R3HCC1L: variants seen among roughly 807,000 people sequenced by gnomAD.
R3HCC1L encodes the protein coiled-coil domain-containing protein R3HCC1L.
In R3HCC1L, 51 loss-of-function variants were observed where a neutral mutation model predicts 59.9. The observed-to-expected ratio is 0.85, with a 90% CI of 0.68 to 1.07. The LOEUF (loss-of-function observed/expected upper bound fraction) is 1.07, where lower values mean the gene tolerates loss of function less well. Among genes scored for constraint, R3HCC1L ranks in the 50% least tolerant of loss-of-function variants. The pLI is 0.00. For synonymous variants in R3HCC1L, 322 were observed against 315.2 expected, an observed-to-expected ratio of 1.02 and a Z score of -0.23; for missense variants, 965 against 933.0, an observed-to-expected ratio of 1.03 and a Z score of -0.45.
intron 4 of R3HCC1L, among the ~76,000 whole-genome samples, chr10:98,179,925 T>C (rs1006988797): frequency 1.3e-5 from 2 of 152,226 alleles, no homozygotes; most frequent in African/African-American, 4.8e-5. Flanking sequence ...ATTTATCATT[T>C]TTTATTGCAT....
intron 1 of R3HCC1L, among the ~76,000 whole-genome samples, chr10:98,153,063 T>C (rs937071761): frequency 2.0e-5 from 3 of 152,060 alleles, no homozygotes; most frequent in African/African-American, 7.2e-5. Flanking sequence ...CCGCCCCTTC[T>C]GGGAAGTGAG....
intron 1 of R3HCC1L, among the ~76,000 whole-genome samples, chr10:98,151,863 T>C (rs1846190021): frequency 6.6e-6 from 1 of 152,200 alleles, no homozygotes; most frequent in Admixed American, 6.5e-5. Flanking sequence ...GAGACTTAAA[T>C]GTGATAGAAG....
At chr10:98,156,897 A>G (rs1401160617) in intron 2 of R3HCC1L, among the ~76,000 whole-genome samples, 4 of 152,224 alleles carry the variant, frequency 2.6e-5, no homozygotes, top group East Asian at 3.8e-4. Context: ...TAAATTTGTA[A>G]GAACTTTAAA....
intron 5 of R3HCC1L, among the ~76,000 whole-genome samples, chr10:98,224,299 T>C (rs1230209605): frequency 6.6e-6 from 1 of 152,142 alleles, no homozygotes; most frequent in African/African-American, 2.4e-5. Flanking sequence ...GGCATGTGAC[T>C]TCAGAATTTC....
At chr10:98,184,595 T>A (rs1232531502) in intron 4 of R3HCC1L, among the ~76,000 whole-genome samples, 1 of 152,246 alleles carries the variant, frequency 6.6e-6, no homozygotes, top group Non-Finnish European at 1.5e-5. Context: ...TTAGACCATA[T>A]TCCTGTCATT....
chr10:98,236,029 C>T lies in R3HCC1L; in HGVS notation c.2134C>T (p.Leu712Phe), dbSNP rs771154678. The T allele has an allele frequency of 2.5e-6, 4 of 1,613,290 alleles. No homozygotes were observed. The highest frequency in any genetic ancestry group is 3.4e-6 in the Non-Finnish European group (4 of 1,179,486). Residue 712 changes from leucine to phenylalanine, a missense_variant, in exon 9 of 10, where the codon CTC becomes TTC. Leu to Phe is a conservative substitution (Grantham distance 22, BLOSUM62 0). Transcript: ENST00000298999. ...CCTTCCTTTCTTCGATTCAGAGTTC[C>T]TCCAGCCAGCAAAGGAGCGTCCTGA... ...KAKARAYAEF[L>F]QPAKERPETS...
chr10:98,152,314 T>C (rs1846264943), intron 1 of R3HCC1L, among the ~76,000 whole-genome samples: 3 of 151,882 alleles, frequency 2.0e-5, no homozygotes, highest in Non-Finnish European at 2.9e-5. Context: ...GACCTCCACC[T>C]CCCAGCCGCC....
At chr10:98,212,492 AGAGTAT>A (rs1417067283) in intron 5 of R3HCC1L, among the ~76,000 whole-genome samples, 1 of 152,180 alleles carries the variant, frequency 6.6e-6, no homozygotes, top group Non-Finnish European at 1.5e-5. Flanking sequence ...TTAGGGGGTT[AGAGTAT>A]AAGTAGGTCA....
At chr10:98,152,893 G>A (rs1463449970) in intron 1 of R3HCC1L, among the ~76,000 whole-genome samples, 1 of 151,762 alleles carries the variant, frequency 6.6e-6, no homozygotes, top group African/African-American at 2.4e-5. Context: ...CGTCCGGGAG[G>A]GAGGAGGGGG....
At position 98,231,543 on chromosome 10, in the gene R3HCC1L, T is replaced by A; in HGVS notation, c.1817T>A (p.Ile606Asn). The A allele has an allele frequency of 8.7e-6, 14 of 1,613,182 alleles. No homozygotes were observed. Among genetic ancestry groups the A allele is most frequent in the Non-Finnish European group, 1.2e-5 (14 of 1,179,670 alleles). Residue 606 changes from isoleucine (I) to asparagine (N), a missense_variant, in exon 6 of 10, where the codon ATC becomes AAC. Physicochemically the swap from Ile to Asn is moderately radical, Grantham distance 149 (BLOSUM62 -3). Coordinates refer to ENST00000298999, the MANE Select transcript of R3HCC1L (RefSeq NM_001351015.2). The part of the protein sequence containing the change: ...LSGNTKSRES[I>N]QEPRSDYYNH... ...GGGAATACCAAGAGCAGAGAGAGCA[T>A]CCAGGAACCTAGATCTGATTACTAC...
At chr10:98,171,224 C>T (rs1357829927) in intron 4 of R3HCC1L, among the ~76,000 whole-genome samples, 2 of 152,208 alleles carry the variant, frequency 1.3e-5, no homozygotes. Flanking sequence ...TAACCACAGA[C>T]ATTACAATTT....
intron 4 of R3HCC1L, chr10:98,186,483 T>C: frequency 1.0e-6 from 1 of 980,704 alleles, no homozygotes; most frequent in South Asian, 4.7e-5. Context: ...TTACTCAGCA[T>C]TTGGTGTGGT....
At chr10:98,219,189 G>A (rs1282231774) in intron 5 of R3HCC1L, among the ~76,000 whole-genome samples, 1 of 152,214 alleles carries the variant, frequency 6.6e-6, no homozygotes, top group African/African-American at 2.4e-5. Flanking sequence ...TGGGATTACA[G>A]GTGTGAGCCA....
chr10:98,212,170 G>C (rs903255683), intron 5 of R3HCC1L, among the ~76,000 whole-genome samples: 1 of 152,094 alleles, frequency 6.6e-6, no homozygotes, highest in African/African-American at 2.4e-5. Context: ...ATGTAATAAT[G>C]ATACTGTTAT....
rs537313916 is a variant in R3HCC1L at position 98,192,830 on chromosome 10, A to G, written c.-14-15271A>G. On this transcript the variant is annotated intron_variant, in intron 4 of 9. Transcript: ENST00000298999. Reference sequence around the variant, plus strand: ...CCCTGATACCAAAGCCAGAGATACTATAAGAAAACTACAGGCCAGTATCTC... The same window carrying G: ...CCCTGATACCAAAGCCAGAGATACTGTAAGAAAACTACAGGCCAGTATCTC... Among the ~76,000 whole-genome samples the G allele has an allele frequency of 3.3e-5, 5 of 152,252 alleles. No homozygotes were observed. The East Asian group carries it at 9.6e-4, about 29-fold the overall frequency.
rs992083444 is a variant in R3HCC1L, at chr10:98,211,960, G to T, written c.1785+2061G>T. ...GGACATTGGGATGACCTAAAGCTGG[G>T]ATTGGGAGGAAAACAGAGAATATAG... On this transcript the variant is annotated intron_variant, in intron 5 of 9. Transcript: ENST00000298999. Among the ~76,000 whole-genome samples, 18 of 152,130 alleles carry T rather than the reference G, an allele frequency of 1.2e-4. 1 individual carries two copies. The highest frequency in any genetic ancestry group is 7.9e-4 in the Admixed American group (12 of 15,256).
Position 98,208,719 on chromosome 10 carries a change from A to T in R3HCC1L, c.605A>T (p.Asp202Val). 1 of 1,614,128 alleles carries T rather than the reference A, an allele frequency of 6.2e-7. No homozygotes were observed. Among genetic ancestry groups the T allele is most frequent in the Non-Finnish European group, 8.5e-7 (1 of 1,180,008 alleles). ...EPDGEAFEDK[D>V]LEGRIETDTK... ...GATGGGGAAGCATTTGAAGACAAAG[A>T]TTTGGAAGGCAGAATTGAAACTGAT... The change falls in exon 5 of 10, where the codon GAT becomes GTT. Residue 202 changes from aspartate to valine, a missense_variant. Asp to Val is a radical substitution (Grantham distance 152, BLOSUM62 -3). Coordinates refer to ENST00000298999, the MANE Select transcript of R3HCC1L (RefSeq NM_001351015.2).
At position 98,202,478 on chromosome 10, in the gene R3HCC1L, G is replaced by A. The variant is rs565080064; in HGVS notation, c.-14-5623G>A. 2.2e-4 allele frequency among the ~76,000 whole-genome samples: 33 copies of A among 152,292 alleles called. No individual in the cohort carries two copies. In the South Asian group the frequency reaches 6.8e-3, roughly 32 times the overall value. ...CCTGAGGACACATCACCACCATGAA[G>A]TGTTCTGGCTGAAAATGTGTAACCT... On this transcript the variant is annotated intron_variant, in intron 4 of 9. Coordinates refer to ENST00000298999, the MANE Select transcript of R3HCC1L (RefSeq NM_001351015.2).
At chr10:98,229,792 G>C (rs186734246) in intron 5 of R3HCC1L, among the ~76,000 whole-genome samples, 3,779 of 152,112 alleles carry the variant, frequency 0.025, 148 homozygotes, top group African/African-American at 0.081. Flanking sequence ...TAGCATGAAG[G>C]GTTGTTGAAT....
Sources: allele counts gnomAD v4.1 joint callset (sites outside exome capture counted in the v4.1 genomes callset), GRCh38; gene constraint gnomAD v4.1.1; transcripts MANE v1.5; gene names NCBI Gene and HGNC (gene_info 2026-07-23, HGNC 2026-07-21).